TBC1D8: variants seen among roughly 807,000 people sequenced by gnomAD.
TBC1D8 encodes the protein TBC1 domain family member 8.
In TBC1D8, 65 loss-of-function variants were observed where a neutral mutation model predicts 118.8. The ratio of observed to expected loss-of-function variants is 0.55; its 90% CI spans 0.45 to 0.67. The LOEUF (loss-of-function observed/expected upper bound fraction) is 0.67, where lower values mean the gene tolerates loss of function less well. Ranked by LOEUF, TBC1D8 falls within the 30% of genes least tolerant of loss-of-function variation. The pLI is 0.00. For missense variants in TBC1D8, 1,376 were observed against 1,471.2 expected (o/e 0.94, Z 1.06); for synonymous variants, 566 against 595.8 (o/e 0.95, Z 0.73).
At chr2:101,040,950 G>A (rs549302660) in intron 5 of TBC1D8, among the ~76,000 whole-genome samples, 67 of 152,350 alleles carry the variant, frequency 4.4e-4, no homozygotes, top group African/African-American at 1.3e-3. Context: ...TAAACTCACA[G>A]GCCAAATAAG....
At chr2:101,075,390 C>CA (rs11443594) in intron 2 of TBC1D8, among the ~76,000 whole-genome samples, 13,969 of 133,306 alleles carry the variant, frequency 0.1, 2,147 homozygotes, top group African/African-American at 0.33. Flanking sequence ...GACTCCATCT[C>CA]AAAAAAAAAA....
At chr2:101,017,515 C>G (rs746220994) in intron 17 of TBC1D8, among the ~76,000 whole-genome samples, 5 of 152,134 alleles carry the variant, frequency 3.3e-5, no homozygotes, top group African/African-American at 4.8e-5. Flanking sequence ...CGCTGTAATC[C>G]TATGGGACCA....
chr2:101,027,359 C>T (rs1181378270), intron 15 of TBC1D8, 24 bp downstream of exon 15: 2 of 1,610,396 alleles, frequency 1.2e-6, no homozygotes, highest in African/African-American at 2.7e-5. Flanking sequence ...GCCTGGAACC[C>T]CTCATCTTCC....
In TBC1D8 at chr2:101,027,909, T is replaced by A. The variant is rs926642958; in HGVS notation, c.2451+139A>T. On this transcript the variant is annotated intron_variant, in intron 14 of 19. Transcript: ENST00000409318. ...AAGCTCACATTGTTTCTACACTACT[T>A]CACCCTTAAGTTGTTAATGTAATCC... The A allele has an allele frequency of 1.6e-5, 12 of 738,266 alleles. No homozygotes were observed. In the Admixed American group the frequency reaches 1.9e-4, roughly 12 times the overall value. 45.7% of individuals were successfully genotyped at this position (738,266 alleles called of 1,614,324 possible).
chr2:101,019,965 G>A (rs1359342753), intron 17 of TBC1D8, among the ~76,000 whole-genome samples: 2 of 151,748 alleles, frequency 1.3e-5, no homozygotes, highest in African/African-American at 4.8e-5. Flanking sequence ...CCAGCTACTC[G>A]GGAGGCTGAG....
chr2:101,029,856 G>C, intron 11 of TBC1D8, 80 bp from the exon 12 acceptor site: 1 of 1,439,906 alleles, frequency 6.9e-7, no homozygotes, highest in Admixed American at 2.1e-5. Context: ...ATCACTCTGA[G>C]GTAACCAGAA....
intron 1 of TBC1D8, among the ~76,000 whole-genome samples, chr2:101,101,694 A>G (rs1377317049): frequency 6.6e-6 from 1 of 152,248 alleles, no homozygotes; most frequent in African/African-American, 2.4e-5. Flanking sequence ...TGGTACATAT[A>G]CACTACAGAA....
At chr2:101,041,871 A>G (rs1263831860) in intron 5 of TBC1D8, among the ~76,000 whole-genome samples, 1 of 152,022 alleles carries the variant, frequency 6.6e-6, no homozygotes, top group Admixed American at 6.6e-5. Flanking sequence ...AAAAAAATAC[A>G]AACATCAGCT....
At chr2:101,054,930 C>A (rs1031237720) in intron 3 of TBC1D8, among the ~76,000 whole-genome samples, 10 of 151,594 alleles carry the variant, frequency 6.6e-5, no homozygotes, top group Non-Finnish European at 1.3e-4. Context: ...GATCCACCTG[C>A]CTCAGCCTCC....
chr2:101,099,183 C>G (rs1280118861), intron 1 of TBC1D8, among the ~76,000 whole-genome samples: 2 of 152,008 alleles, frequency 1.3e-5, no homozygotes, highest in Non-Finnish European at 1.5e-5. Context: ...GGGATATCAC[C>G]ACTGATCCCA....
intron 1 of TBC1D8, among the ~76,000 whole-genome samples, chr2:101,146,557 T>C (rs996258067): frequency 1.3e-5 from 2 of 152,236 alleles, no homozygotes; most frequent in Non-Finnish European, 1.5e-5. Context: ...ATTTGTTATT[T>C]AGAGTAATGT....
chr2:101,087,921 T>C (rs1675747317), intron 2 of TBC1D8, among the ~76,000 whole-genome samples: 1 of 152,206 alleles, frequency 6.6e-6, no homozygotes, highest in Non-Finnish European at 1.5e-5. Context: ...TCTAACCTTT[T>C]AATGCTTTCA....
chr2:101,051,149 A>C (rs1682047219), intron 4 of TBC1D8, among the ~76,000 whole-genome samples: 1 of 152,138 alleles, frequency 6.6e-6, no homozygotes, highest in African/African-American at 2.4e-5. Flanking sequence ...TTCTTTATCC[A>C]GTCTACCAAT....
chr2:101,024,499 C>T, intron 15 of TBC1D8, among the ~76,000 whole-genome samples: 1 of 151,406 alleles, frequency 6.6e-6, no homozygotes, highest in Non-Finnish European at 1.5e-5. Context: ...CTCTGCCTCC[C>T]AGGTTCAAGC....
chr2:101,093,210 G>A (rs1011838962), intron 1 of TBC1D8, among the ~76,000 whole-genome samples: 7 of 152,124 alleles, frequency 4.6e-5, no homozygotes, highest in Non-Finnish European at 1.0e-4. Context: ...TTATCAGTAA[G>A]GCTTCTAGTT....
chr2:101,097,235 T>C (rs2105465236), intron 1 of TBC1D8, among the ~76,000 whole-genome samples: 1 of 152,062 alleles, frequency 6.6e-6, no homozygotes, highest in Admixed American at 6.5e-5. Context: ...TCCTTCAAAA[T>C]TGAAGAAATA....
chr2:101,038,528 A>G lies in TBC1D8; in HGVS notation c.1208T>C (p.Leu403Pro), dbSNP rs1474155368. ...GGCGTGGACCTGCTTCAACCTCGCAAGCAGCGCCTCCACCAGGCTGTCTCG... is the reference window on the plus strand; with the variant it reads ...GGCGTGGACCTGCTTCAACCTCGCAGGCAGCGCCTCCACCAGGCTGTCTCG... ...RDRDSLVEAL[L>P]ARLKQVHANH... The change falls in exon 7 of 20, where the codon CTT becomes CCT. Residue 403 changes from leucine to proline, a missense_variant. Physicochemically the swap from Leu to Pro is moderately conservative, Grantham distance 98 (BLOSUM62 -3). Transcript: ENST00000409318. 6.2e-7 allele frequency: 1 copy of G among 1,613,746 alleles called. No homozygotes were observed. The highest frequency in any genetic ancestry group is 2.2e-5 in the East Asian group (1 of 44,868).
Position 101,038,606 on chromosome 2 carries a change from A to C in TBC1D8, c.1130T>G (p.Ile377Ser), listed in dbSNP as rs1184179813. Residue 377 changes from isoleucine (I) to serine (S), a missense_variant, in exon 7 of 20, where the codon ATC (isoleucine) becomes AGC (serine). Ile to Ser is a moderately radical substitution (Grantham distance 142). Transcript: ENST00000409318. Reference protein sequence around the residue: ...MEDTSLLPHPIIVSIRSKVAF... With the variant: ...MEDTSLLPHPSIVSIRSKVAF... Reference sequence around the variant, plus strand: ...CACCTTGCTTCTGATACTGACAATGATGGGATGCGGCAGCAGGCTCGTGTC... The same window carrying C: ...CACCTTGCTTCTGATACTGACAATGCTGGGATGCGGCAGCAGGCTCGTGTC... 1.2e-6 allele frequency: 2 copies of C among 1,613,926 alleles called. No individual in the cohort carries two copies. The highest frequency in any genetic ancestry group is 8.5e-7 in the Non-Finnish European group (1 of 1,179,892).
chr2:101,116,233 C>G (rs932655552), intron 1 of TBC1D8, among the ~76,000 whole-genome samples: 1 of 152,164 alleles, frequency 6.6e-6, no homozygotes, highest in African/African-American at 2.4e-5. Context: ...TCCACAAGGG[C>G]CCTGAGAATG....
Sources: allele counts gnomAD v4.1 joint callset (sites outside exome capture counted in the v4.1 genomes callset), GRCh38; gene constraint gnomAD v4.1.1; transcripts MANE v1.5; gene names NCBI Gene and HGNC (gene_info 2026-07-23, HGNC 2026-07-21).